The following SFXN5 variants were observed in gnomAD, a reference collection of about 807,000 sequenced individuals.
SFXN5 encodes the protein sideroflexin 5, also known as sideroflexin-5.
Under a neutral mutation model 50.2 loss-of-function variants are expected in SFXN5, and 43 were observed. That is an observed-to-expected ratio of 0.86 (90% confidence interval 0.67 to 1.11). The LOEUF is 1.11. Ranked by LOEUF, SFXN5 falls within the 50% of genes least tolerant of loss-of-function variation. The pLI is 0.00. For synonymous variants in SFXN5, 203 were observed against 185.8 expected (o/e 1.09, Z -0.75); for missense variants, 463 against 454.1 (o/e 1.02, Z -0.18).
chr2:72,959,896 C>T (rs1309212044), intron 13 of SFXN5, among the ~76,000 whole-genome samples: 1 of 152,106 alleles, frequency 6.6e-6, no homozygotes, highest in South Asian at 2.1e-4. Context: ...TCATTTTTTC[C>T]CCTCACCTGT....
chr2:73,047,277 C>CACACATATATATATATATATATATAT lies in SFXN5; in HGVS notation c.172-6347_172-6346insATATATATATATATATATATATGTGT, dbSNP rs1277443036. On this transcript the variant is annotated intron_variant, in intron 2 of 13. Transcript: ENST00000272433. The stretch of plus-strand genomic sequence containing the variant: ...ATATATATATATATATATATATATA[C>CACACATATATATATATATATATATAT]ACACATATATATATATATATAAAAT... 9.7e-4 allele frequency among the ~76,000 whole-genome samples: 55 copies of CACACATATATATATATATATATATAT among 56,762 alleles called. 1 individual carries two copies. The highest frequency in any genetic ancestry group is 1.5e-3 in the Non-Finnish European group (49 of 32,110). 37.2% of individuals were successfully genotyped at this position (56,762 alleles called of 152,430 possible).
Position 73,001,533 on chromosome 2 carries a change from A to C in SFXN5, c.403T>G (p.Phe135Val), listed in dbSNP as rs1483632404. Residue 135 changes from phenylalanine to valine, a missense_variant, in exon 7 of 14, where the codon TTC becomes GTC. Physicochemically the swap from Phe to Val is conservative, Grantham distance 50. Transcript: ENST00000272433. Reference sequence around the variant, plus strand: ...TGCTGCGAGACTGTTACCTGCCAGAAGACAGTGGATGCCAGTGTCTGGTTG... The same window carrying C: ...TGCTGCGAGACTGTTACCTGCCAGACGACAGTGGATGCCAGTGTCTGGTTG... ...LPNQTLASTV[F>V]WQWLNQSHNA... 6.2e-7 allele frequency: 1 copy of C among 1,614,200 alleles called. No individual in the cohort carries two copies. The highest frequency in any genetic ancestry group is 2.2e-5 in the East Asian group (1 of 44,884).
At chr2:72,971,340 G>A (rs929909570) in intron 11 of SFXN5, among the ~76,000 whole-genome samples, 4 of 150,548 alleles carry the variant, frequency 2.7e-5, no homozygotes, top group African/African-American at 7.3e-5. Context: ...GAGGGGCTGC[G>A]ATAAGAGACA....
At chr2:73,027,662 T>C (rs961848143) in intron 3 of SFXN5, among the ~76,000 whole-genome samples, 2 of 149,864 alleles carry the variant, frequency 1.3e-5, no homozygotes, top group African/African-American at 4.9e-5. Context: ...ATTTTTTATC[T>C]TTTTTTTTTC....
At chr2:72,982,189 A>G (rs1176114864) in intron 10 of SFXN5, among the ~76,000 whole-genome samples, 4 of 152,326 alleles carry the variant, frequency 2.6e-5, no homozygotes, top group Non-Finnish European at 5.9e-5. Flanking sequence ...TAGAGATACT[A>G]GTATCCATTT....
chr2:73,002,990 G>C (rs1019712234), intron 6 of SFXN5, among the ~76,000 whole-genome samples: 1 of 152,198 alleles, frequency 6.6e-6, no homozygotes, highest in South Asian at 2.1e-4. Context: ...CCAAATTCTG[G>C]GTAGTAGGTG....
intron 11 of SFXN5, among the ~76,000 whole-genome samples, chr2:72,971,170 A>T (rs1347275425): frequency 2.0e-5 from 3 of 151,826 alleles, no homozygotes; most frequent in Admixed American, 2.0e-4. Flanking sequence ...AGAACCACAA[A>T]CCACTGGCCT....
At chr2:72,978,860 T>C (rs1670954661) in intron 10 of SFXN5, among the ~76,000 whole-genome samples, 1 of 152,064 alleles carries the variant, frequency 6.6e-6, no homozygotes, top group Non-Finnish European at 1.5e-5. Flanking sequence ...AGATGAAGGT[T>C]TGAAAACTTT....
intron 10 of SFXN5, among the ~76,000 whole-genome samples, chr2:72,986,151 T>C (rs922898007): frequency 6.6e-6 from 1 of 152,232 alleles, no homozygotes; most frequent in African/African-American, 2.4e-5. Context: ...ATTCCATTAA[T>C]GGCCCACGAC....
intron 6 of SFXN5, among the ~76,000 whole-genome samples, chr2:73,011,589 G>A (rs918487421): frequency 2.6e-5 from 4 of 152,254 alleles, no homozygotes; most frequent in Admixed American, 1.3e-4. Context: ...ATGGCCCATG[G>A]AAGAATGGAC....
chr2:72,956,758 GCCTTCCCGCCTTGGGCTCTGGGCATT>G (rs1673135567), intron 13 of SFXN5, among the ~76,000 whole-genome samples: 1 of 152,146 alleles, frequency 6.6e-6, no homozygotes, highest in Non-Finnish European at 1.5e-5. Context: ...TAGAGGCCAT[GCCTTCCCGCCTTGGGCTCTGGGCATT>G]CCTTCCCCAT....
intron 6 of SFXN5, among the ~76,000 whole-genome samples, chr2:73,017,208 C>A (rs1383086450): frequency 9.9e-5 from 15 of 151,532 alleles, no homozygotes; most frequent in Admixed American, 9.9e-4. Flanking sequence ...TTTATTCTTA[C>A]AAAAAAAATA....
chr2:73,015,744 C>G (rs1676062109), intron 6 of SFXN5, among the ~76,000 whole-genome samples: 1 of 152,146 alleles, frequency 6.6e-6, no homozygotes, highest in Admixed American at 6.5e-5. Flanking sequence ...ATATTTTAAA[C>G]TGCAAATTAA....
At chr2:73,064,983 C>T (rs936952720) in intron 1 of SFXN5, among the ~76,000 whole-genome samples, 3 of 152,236 alleles carry the variant, frequency 2.0e-5, no homozygotes, top group African/African-American at 7.2e-5. Flanking sequence ...GACGGGGTTT[C>T]GCCATGTTGC....
intron 2 of SFXN5, among the ~76,000 whole-genome samples, chr2:73,046,121 T>C (rs1247821018): frequency 3.9e-5 from 6 of 152,154 alleles, no homozygotes; most frequent in African/African-American, 1.4e-4. Flanking sequence ...CTAAAAGCGA[T>C]ATGTTGGCCG....
Position 72,961,838 on chromosome 2 carries a change from G to A in SFXN5, c.828-590C>T, listed in dbSNP as rs983229706. Among the ~76,000 whole-genome samples the A allele has an allele frequency of 6.6e-6, 1 of 152,192 alleles. No individual in the cohort carries two copies. The highest frequency in any genetic ancestry group is 1.9e-4 in the East Asian group (1 of 5,200). On this transcript the variant is annotated intron_variant, in intron 12 of 13. Coordinates refer to ENST00000272433, the MANE Select transcript of SFXN5 (RefSeq NM_144579.3). The surrounding 1 kb of genome is among the most constrained non-coding windows in gnomAD (Gnocchi z 4.4). ...ACAGAGGGTGCAATGACTCGTCCAAGGCCAAGTCTGCAGGAGGCTGTCAGA... is the reference window on the plus strand; with the variant it reads ...ACAGAGGGTGCAATGACTCGTCCAAAGCCAAGTCTGCAGGAGGCTGTCAGA...
At chr2:72,990,952 C>A (rs1344330046) in intron 9 of SFXN5, among the ~76,000 whole-genome samples, 3 of 152,176 alleles carry the variant, frequency 2.0e-5, no homozygotes, top group Non-Finnish European at 4.4e-5. Flanking sequence ...CCATCCCTGC[C>A]CCCAGCAGCC....
intron 1 of SFXN5, among the ~76,000 whole-genome samples, chr2:73,062,216 C>T (rs1293863427): frequency 6.6e-6 from 1 of 152,178 alleles, no homozygotes; most frequent in Non-Finnish European, 1.5e-5. Context: ...CTTCCTTATC[C>T]TCCCTGGCTC....
chr2:73,013,769 T>G (rs1675828734), intron 6 of SFXN5, among the ~76,000 whole-genome samples: 2 of 152,050 alleles, frequency 1.3e-5, no homozygotes, highest in African/African-American at 4.8e-5. Flanking sequence ...ATGTCCAATC[T>G]TATTTCGTCA....
Sources: allele counts gnomAD v4.1 joint callset (sites outside exome capture counted in the v4.1 genomes callset), GRCh38; gene constraint gnomAD v4.1.1; non-coding constraint Gnocchi (gnomAD v3.1); transcripts MANE v1.5; gene names NCBI Gene and HGNC (gene_info 2026-07-23, HGNC 2026-07-21).